LRP1B: variants seen among roughly 807,000 people sequenced by gnomAD.
LRP1B encodes LDL receptor related protein 1B, also known as low-density lipoprotein receptor-related protein 1B.
In LRP1B, 217 loss-of-function variants were observed where a neutral mutation model predicts 556.6. The ratio of observed to expected loss-of-function variants is 0.39; its 90% CI spans 0.35 to 0.44. The LOEUF is 0.44. Among genes scored for constraint, LRP1B ranks in the 20% least tolerant of loss-of-function variants. The pLI is 1.00. For missense variants in LRP1B, 5,053 were observed against 5,620.8 expected (o/e 0.90, Z 3.23); for synonymous variants, 2,047 against 1,865.8 (o/e 1.10, Z -2.50).
intron 1 of LRP1B, among the ~76,000 whole-genome samples, chr2:141,898,585 G>T (rs1431740728): frequency 6.6e-6 from 1 of 152,100 alleles, no homozygotes; most frequent in Non-Finnish European, 1.5e-5. Context: ...TATGATAGAT[G>T]ATGTATTCTT....
intron 2 of LRP1B, among the ~76,000 whole-genome samples, chr2:141,645,132 A>T (rs1269475821): frequency 6.6e-6 from 1 of 152,164 alleles, no homozygotes; most frequent in East Asian, 1.9e-4. Context: ...GGGGTAAGTT[A>T]TAAAGAAAGT....
intron 2 of LRP1B, among the ~76,000 whole-genome samples, chr2:141,569,531 A>T (rs1356216592): frequency 6.6e-6 from 1 of 151,212 alleles, no homozygotes; most frequent in Non-Finnish European, 1.5e-5. Context: ...AAAGTAGGCC[A>T]AAATGTTAGA....
intron 41 of LRP1B, among the ~76,000 whole-genome samples, chr2:140,670,882 C>T (rs898491330): frequency 3.9e-5 from 6 of 152,048 alleles, no homozygotes; most frequent in Non-Finnish European, 8.8e-5. Context: ...ATGCCTAAGG[C>T]TGAAGATGCA....
At chr2:142,056,271 T>C (rs1034112591) in intron 1 of LRP1B, among the ~76,000 whole-genome samples, 6 of 151,458 alleles carry the variant, frequency 4.0e-5, no homozygotes, top group Non-Finnish European at 8.8e-5. Context: ...AAAAACCAAC[T>C]CTCTTTCCTC....
intron 41 of LRP1B, among the ~76,000 whole-genome samples, chr2:140,687,611 T>TTC (rs901286921): frequency 3.3e-5 from 5 of 151,638 alleles, no homozygotes; most frequent in African/African-American, 7.3e-5. Flanking sequence ...AATATACTCT[T>TTC]TCTCTCTCTC....
intron 2 of LRP1B, among the ~76,000 whole-genome samples, chr2:141,786,441 A>G (rs1445221479): frequency 3.3e-5 from 5 of 151,970 alleles, no homozygotes; most frequent in Non-Finnish European, 7.4e-5. Flanking sequence ...GCCGAAAACC[A>G]ATTTGAATAT....
intron 7 of LRP1B, among the ~76,000 whole-genome samples, chr2:141,063,362 C>A (rs911590794): frequency 4.0e-5 from 6 of 151,766 alleles, no homozygotes; most frequent in African/African-American, 1.4e-4. Context: ...TTAGTTCTCT[C>A]TGCTGTAGGA....
intron 2 of LRP1B, among the ~76,000 whole-genome samples, chr2:141,485,407 C>T (rs1683086780): frequency 6.6e-6 from 1 of 152,108 alleles, no homozygotes; most frequent in African/African-American, 2.4e-5. Context: ...CGGTAATTAG[C>T]CTCACAGTTG....
chr2:141,528,776 A>C (rs1684778975), intron 2 of LRP1B, among the ~76,000 whole-genome samples: 1 of 152,130 alleles, frequency 6.6e-6, no homozygotes, highest in South Asian at 2.1e-4. Flanking sequence ...CTACTGCTGA[A>C]GCTAGAACAA....
At chr2:141,167,629 G>T (rs1046243960) in intron 7 of LRP1B, among the ~76,000 whole-genome samples, 1 of 151,690 alleles carries the variant, frequency 6.6e-6, no homozygotes, top group Non-Finnish European at 1.5e-5. Flanking sequence ...TGATTTACAG[G>T]TGATTATAAT....
intron 1 of LRP1B, among the ~76,000 whole-genome samples, chr2:142,093,507 C>T (rs960387415): frequency 6.6e-6 from 1 of 152,078 alleles, no homozygotes; most frequent in Non-Finnish European, 1.5e-5. Context: ...AGATAAAATA[C>T]AGTAGTGAAA....
At chr2:141,031,773 G>A (rs1453856459) in intron 11 of LRP1B, among the ~76,000 whole-genome samples, 3 of 151,832 alleles carry the variant, frequency 2.0e-5, no homozygotes, top group Non-Finnish European at 4.4e-5. Flanking sequence ...AAGATTTTGA[G>A]GAAAGGGCTT....
chr2:140,817,131 G>A (rs1691151217), intron 31 of LRP1B, among the ~76,000 whole-genome samples: 1 of 152,094 alleles, frequency 6.6e-6, no homozygotes, highest in Admixed American at 6.5e-5. Flanking sequence ...ATATAATTAT[G>A]TCTGTATGAA....
intron 32 of LRP1B, among the ~76,000 whole-genome samples, chr2:140,788,585 A>AT (rs1299817840): frequency 6.6e-6 from 1 of 152,226 alleles, no homozygotes; most frequent in Admixed American, 6.5e-5. Context: ...CTCTATTTGT[A>AT]TAACAACCGA....
intron 1 of LRP1B, among the ~76,000 whole-genome samples, chr2:141,983,151 T>C (rs927986656): frequency 3.3e-5 from 5 of 149,358 alleles, no homozygotes; most frequent in Non-Finnish European, 7.4e-5. Flanking sequence ...ACTTGAGGCA[T>C]GGTATAGTAA....
chr2:140,991,039 A>AAAAAC (rs755975339), intron 16 of LRP1B, among the ~76,000 whole-genome samples: 4 of 152,096 alleles, frequency 2.6e-5, no homozygotes, highest in Non-Finnish European at 5.9e-5. Context: ...TGTATAGTAA[A>AAAAAC]AAAACAAAAC....
chr2:140,971,599 A>T (rs1696426562), intron 18 of LRP1B, among the ~76,000 whole-genome samples: 1 of 152,154 alleles, frequency 6.6e-6, no homozygotes, highest in African/African-American at 2.4e-5. Context: ...GCACTTTGGG[A>T]GATGGGCAGA....
chr2:141,455,452 C>T (rs1291963976), intron 3 of LRP1B, among the ~76,000 whole-genome samples: 1 of 152,084 alleles, frequency 6.6e-6, no homozygotes, highest in Non-Finnish European at 1.5e-5. Flanking sequence ...AAAACTCGAG[C>T]CTGTGCAGGA....
At chr2:140,669,674 T>C (rs1685410970) in intron 41 of LRP1B, among the ~76,000 whole-genome samples, 1 of 152,100 alleles carries the variant, frequency 6.6e-6, no homozygotes, top group African/African-American at 2.4e-5. Flanking sequence ...GAAGAAATTG[T>C]TTTTTCCCAG....
Sources: allele counts gnomAD v4.1 joint callset (sites outside exome capture counted in the v4.1 genomes callset), GRCh38; gene constraint gnomAD v4.1.1; transcripts MANE v1.5; gene names NCBI Gene and HGNC (gene_info 2026-07-23, HGNC 2026-07-21).